Variants in CERKL observed in about 807,000 individuals in gnomAD.
CERKL encodes ceramide kinase-like protein.
In CERKL, 61 loss-of-function variants were observed where a neutral mutation model predicts 63.4. The ratio of observed to expected loss-of-function variants is 0.96; its 90% confidence interval spans 0.78 to 1.19. The LOEUF (loss-of-function observed/expected upper bound fraction) is 1.19, where lower values mean the gene tolerates loss of function less well. Ranked by LOEUF, CERKL falls within the 50% of genes most tolerant of loss-of-function variation. The pLI, the probability that CERKL is intolerant of heterozygous loss-of-function variation, is 0.00. For synonymous variants in CERKL, 250 were observed against 230.5 expected, an observed-to-expected ratio of 1.08 and a Z score of -0.77; for missense variants, 675 against 655.5, an observed-to-expected ratio of 1.03 and a Z score of -0.33.
chr2:181,604,104 T>C, intron 1 of CERKL, 25 bp from the exon 2 acceptor site: 1 of 1,563,306 alleles, frequency 6.4e-7, no homozygotes, highest in Non-Finnish European at 8.8e-7. Flanking sequence ...AATTTTCCAA[T>C]TAAAACCATT....
At chr2:181,609,533 T>TAAAAAAAAAAAAAAAA (rs869037405) in intron 1 of CERKL, among the ~76,000 whole-genome samples, 11 of 70,228 alleles carry the variant, frequency 1.6e-4, no homozygotes, top group Non-Finnish European at 2.0e-4. Flanking sequence ...CTGTCTCTAC[T>TAAAAAAAAAAAAAAAA]AAAAAAAAAA....
chr2:181,543,781 C>T (rs570595085), intron 11 of CERKL, among the ~76,000 whole-genome samples: 3 of 152,066 alleles, frequency 2.0e-5, no homozygotes, highest in East Asian at 3.9e-4. Context: ...TCAGGAGTTT[C>T]GAGACCAGCC....
intron 4 of CERKL, among the ~76,000 whole-genome samples, chr2:181,561,668 A>C (rs1688449833): frequency 6.6e-6 from 1 of 152,154 alleles, no homozygotes; most frequent in Non-Finnish European, 1.5e-5. Context: ...GGAGAGATTT[A>C]ACTAAGAGTT....
intron 1 of CERKL, among the ~76,000 whole-genome samples, chr2:181,626,871 C>G (rs1016380733): frequency 3.3e-5 from 5 of 152,222 alleles, no homozygotes; most frequent in African/African-American, 9.6e-5. Flanking sequence ...CCAGCCAGCA[C>G]TAGGTCCACA....
intron 2 of CERKL, among the ~76,000 whole-genome samples, chr2:181,577,831 G>A (rs1684321079): frequency 6.6e-6 from 1 of 152,136 alleles, no homozygotes; most frequent in Non-Finnish European, 1.5e-5. Context: ...AGAGCTCTAA[G>A]AACTTGTCTT....
At chr2:181,619,093 T>G (rs1356379646) in intron 1 of CERKL, among the ~76,000 whole-genome samples, 1 of 143,170 alleles carries the variant, frequency 7.0e-6, no homozygotes, top group Non-Finnish European at 1.5e-5. Context: ...TGCAATGTGA[T>G]TGGCTTTCAT....
At chr2:181,600,761 G>A (rs1685424387) in intron 2 of CERKL, among the ~76,000 whole-genome samples, 1 of 152,066 alleles carries the variant, frequency 6.6e-6, no homozygotes, top group South Asian at 2.1e-4. Flanking sequence ...AATAGTGGGG[G>A]ACTTCAACAC....
In CERKL at chr2:181,547,672, A is replaced by G. The variant is rs369507626; in HGVS notation, c.1214T>C (p.Met405Thr). The change falls in exon 10 of 13, where the codon ATG becomes ACG. Residue 405 changes from methionine to threonine, a missense_variant. Transcript: ENST00000410087. Reference protein sequence around the residue: ...IQGQFLNVSIMAIPCLCSVAP... With the variant: ...IQGQFLNVSITAIPCLCSVAP... ...CACTGAACACAGGCAAGGAATTGCC[A>G]TAATGCTGACATTCAAGAACTGACC... 3.7e-6 allele frequency: 6 copies of G among 1,614,006 alleles called. No individual in the cohort carries two copies. The highest frequency in any genetic ancestry group is 1.6e-4 in the Middle Eastern group (1 of 6,084).
intron 11 of CERKL, among the ~76,000 whole-genome samples, chr2:181,540,034 C>T (rs1489627425): frequency 7.0e-6 from 1 of 141,882 alleles, no homozygotes; most frequent in African/African-American, 2.7e-5. Flanking sequence ...AGTTTTTCCC[C>T]TTTTCCACAT....
intron 1 of CERKL, among the ~76,000 whole-genome samples, chr2:181,651,403 T>C (rs184811278): frequency 6.6e-6 from 1 of 152,252 alleles, no homozygotes; most frequent in African/African-American, 2.4e-5. Flanking sequence ...GTGATACACA[T>C]TAACAAAGAC....
intron 4 of CERKL, among the ~76,000 whole-genome samples, chr2:181,562,211 G>T (rs1574451363): frequency 6.6e-6 from 1 of 152,126 alleles, no homozygotes; most frequent in African/African-American, 2.4e-5. Flanking sequence ...CTGACAATCA[G>T]AAAATCATTG....
chr2:181,556,269 T>A (rs2105816178), intron 5 of CERKL, among the ~76,000 whole-genome samples: 1 of 151,968 alleles, frequency 6.6e-6, no homozygotes, highest in East Asian at 1.9e-4. Flanking sequence ...ATACTTTAAA[T>A]TCTAGGGTAC....
At chr2:181,563,020 G>A (rs1688512715) in intron 4 of CERKL, among the ~76,000 whole-genome samples, 1 of 151,970 alleles carries the variant, frequency 6.6e-6, no homozygotes, top group African/African-American at 2.4e-5. Context: ...TAATAGCGAG[G>A]AATTCATATA....
intron 1 of CERKL, among the ~76,000 whole-genome samples, chr2:181,622,497 AT>A (rs1472136656): frequency 6.6e-6 from 1 of 152,188 alleles, no homozygotes; most frequent in Non-Finnish European, 1.5e-5. Context: ...TTAAAAGAAC[AT>A]TTTCTTATGC....
chr2:181,550,231 CCT>C lies in CERKL; in HGVS notation c.821-525_821-524del, dbSNP rs1378416295. Reference sequence around the variant, plus strand: ...TAAGCTCTTAGCCAAATGAGAATCCCCTCTGTTATCTGACAAATGTCTCCTAC... The same window carrying C: ...TAAGCTCTTAGCCAAATGAGAATCCCCTGTTATCTGACAAATGTCTCCTAC... On this transcript the variant is annotated intron_variant, in intron 5 of 12. Transcript: ENST00000410087. This position sits in a 1 kb window ranked among gnomAD's most constrained non-coding sequence, Gnocchi z 4.5. 1.3e-5 allele frequency among the ~76,000 whole-genome samples: 2 copies of C among 152,078 alleles called. No homozygotes were observed. Among genetic ancestry groups the C allele is most frequent in the African/African-American group, 2.4e-5 (1 of 41,424 alleles).
intron 1 of CERKL, among the ~76,000 whole-genome samples, chr2:181,644,509 G>A (rs1341263016): frequency 6.6e-6 from 1 of 152,208 alleles, no homozygotes; most frequent in East Asian, 1.9e-4. Flanking sequence ...CGTAAACACA[G>A]TTTATATTAT....
intron 2 of CERKL, among the ~76,000 whole-genome samples, chr2:181,585,914 A>G (rs1684742951): frequency 6.6e-6 from 1 of 152,228 alleles, no homozygotes; most frequent in South Asian, 2.1e-4. Context: ...ACTTGAACTC[A>G]GAGTGCTGTC....
intron 1 of CERKL, among the ~76,000 whole-genome samples, chr2:181,642,399 G>A (rs776241573): frequency 9.3e-5 from 14 of 151,286 alleles, no homozygotes; most frequent in Non-Finnish European, 1.5e-4. Context: ...TAAGTCTCAC[G>A]TAATCACCAA....
rs1687930184 is a variant in CERKL at position 181,550,322 on chromosome 2, T to A, written c.821-614A>T. On this transcript the variant is annotated intron_variant, in intron 5 of 12. Transcript: ENST00000410087. This position sits in a 1 kb window ranked among gnomAD's most constrained non-coding sequence, Gnocchi z 4.5. ...ATGAAGATTTGTATTTGAAACATTA[T>A]GATTTCTGATTTTCATGATTATTAG... Among the ~76,000 whole-genome samples the A allele has an allele frequency of 6.6e-6, 1 of 152,184 alleles. No individual in the cohort carries two copies. Among genetic ancestry groups the A allele is most frequent in the African/African-American group, 2.4e-5 (1 of 41,454 alleles).
Sources: allele counts gnomAD v4.1 joint callset (sites outside exome capture counted in the v4.1 genomes callset), GRCh38; gene constraint gnomAD v4.1.1; non-coding constraint Gnocchi (gnomAD v3.1); transcripts MANE v1.5; gene names NCBI Gene and HGNC (gene_info 2026-07-23, HGNC 2026-07-21).